The following ZDHHC14 variants were observed in gnomAD, a reference collection of about 807,000 sequenced individuals.
ZDHHC14 encodes the protein palmitoyltransferase ZDHHC14.
ZDHHC14 carries 16 observed loss-of-function variants against 47.7 expected under a neutral mutation model. The ratio of observed to expected loss-of-function variants is 0.34; its 90% CI spans 0.23 to 0.51. The LOEUF is 0.51. Ranked by LOEUF, ZDHHC14 falls within the 20% of genes least tolerant of loss-of-function variation. The pLI, the probability that ZDHHC14 is intolerant of heterozygous loss-of-function variation, is 0.97. For missense variants in ZDHHC14, 515 were observed against 662.5 expected (o/e 0.78, Z 2.44); for synonymous variants, 293 against 278.9 (o/e 1.05, Z -0.50).
chr6:157,614,476 A>G (rs1424364675), intron 3 of ZDHHC14, among the ~76,000 whole-genome samples: 1 of 152,214 alleles, frequency 6.6e-6, no homozygotes, highest in Non-Finnish European at 1.5e-5. Context: ...TTCAAGGGGA[A>G]GAAAAGCCCC....
rs1777527927 is a variant in ZDHHC14 at position 157,645,895 on chromosome 6, G to A, written c.855+56G>A. 8 of 1,482,636 alleles carry A rather than the reference G, an allele frequency of 5.4e-6. No individual in the cohort carries two copies. In the Admixed American group the frequency reaches 8.8e-5, roughly 16 times the overall value. 91.8% of individuals were successfully genotyped at this position (1,482,636 alleles called of 1,614,324 possible). On this transcript the variant is annotated intron_variant, in intron 6 of 8. Transcript: ENST00000359775. ...TGTTCTTGGGTTTTGGGCAATGGAG[G>A]AGAAAAAGGAAAGAAAAGGTTGAGC... is the stretch of plus-strand genomic sequence containing the variant.
At chr6:157,635,773 G>A (rs1206071443) in intron 5 of ZDHHC14, among the ~76,000 whole-genome samples, 1 of 152,228 alleles carries the variant, frequency 6.6e-6, no homozygotes, top group Non-Finnish European at 1.5e-5. Context: ...GCCGTGCCCG[G>A]AGCCTGCAGC....
At chr6:157,655,581 G>A (rs1778048600) in intron 8 of ZDHHC14, among the ~76,000 whole-genome samples, 1 of 152,218 alleles carries the variant, frequency 6.6e-6, no homozygotes, top group Admixed American at 6.5e-5. Context: ...TCTGATGTGT[G>A]CATGTGTCTA....
chr6:157,598,983 A>T (rs984170293), intron 3 of ZDHHC14, among the ~76,000 whole-genome samples: 7 of 152,168 alleles, frequency 4.6e-5, no homozygotes, highest in African/African-American at 7.2e-5. Context: ...TAATGCTTTT[A>T]AAAAAAACTT....
At chr6:157,528,817 TTA>T (rs1414709456) in intron 1 of ZDHHC14, among the ~76,000 whole-genome samples, 1 of 129,926 alleles carries the variant, frequency 7.7e-6, no homozygotes, top group Non-Finnish European at 1.7e-5. Context: ...AATTAATTAA[TTA>T]AAAAAGCACA....
chr6:157,455,531 G>A (rs576188093), intron 1 of ZDHHC14, among the ~76,000 whole-genome samples: 10 of 152,292 alleles, frequency 6.6e-5, no homozygotes, highest in African/African-American at 2.2e-4. Context: ...TCTTTCTTAA[G>A]TCTGGAGGCC....
intron 2 of ZDHHC14, among the ~76,000 whole-genome samples, chr6:157,552,601 AAGG>A (rs1782279194): frequency 6.6e-6 from 1 of 152,206 alleles, no homozygotes; most frequent in South Asian, 2.1e-4. Flanking sequence ...GGACCAAGGC[AAGG>A]AGGTGTGGCG....
chr6:157,392,786 T>C (rs1777443276), intron 1 of ZDHHC14, among the ~76,000 whole-genome samples: 2 of 152,172 alleles, frequency 1.3e-5, no homozygotes, highest in Non-Finnish European at 2.9e-5. Context: ...AACATACCAT[T>C]ACAGTAGACC....
intron 1 of ZDHHC14, among the ~76,000 whole-genome samples, chr6:157,529,383 A>G (rs146647686): frequency 4.2e-4 from 64 of 152,328 alleles, no homozygotes; most frequent in African/African-American, 1.3e-3. Flanking sequence ...TTTGTTTAGT[A>G]TACATGTATT....
chr6:157,506,793 G>A lies in ZDHHC14; in HGVS notation c.246-35792G>A, dbSNP rs187525085. Among the ~76,000 whole-genome samples, 6 of 152,240 alleles carry A rather than the reference G, an allele frequency of 3.9e-5. No homozygotes were observed. The East Asian group carries it at 1.2e-3, about 29-fold the overall frequency. ...ATATCTAAAGGAAAACAACCACTCAGGATATTAGCTAGTGGATACAACTGT... is the reference window on the plus strand; with the variant it reads ...ATATCTAAAGGAAAACAACCACTCAAGATATTAGCTAGTGGATACAACTGT... On this transcript the variant is annotated intron_variant, in intron 1 of 8. Coordinates refer to ENST00000359775, the MANE Select transcript of ZDHHC14 (RefSeq NM_024630.3).
rs139380850 is a variant in ZDHHC14 at position 157,538,822 on chromosome 6, C to T, written c.246-3763C>T. Among the ~76,000 whole-genome samples, 219 of 152,234 alleles carry T rather than the reference C, an allele frequency of 1.4e-3. 1 individual carries two copies. Among genetic ancestry groups the T allele is most frequent in the African/African-American group, 4.9e-3 (204 of 41,542 alleles). ...GCATCAACATGCTGAATGGGAGGTGCGGGTGTTCCAGACACGTGGGCTGGA... is the reference window on the plus strand; with the variant it reads ...GCATCAACATGCTGAATGGGAGGTGTGGGTGTTCCAGACACGTGGGCTGGA... On this transcript the variant is annotated intron_variant, in intron 1 of 8. Transcript: ENST00000359775.
intron 1 of ZDHHC14, among the ~76,000 whole-genome samples, chr6:157,522,521 C>T (rs916743729): frequency 1.3e-5 from 2 of 151,670 alleles, no homozygotes; most frequent in African/African-American, 2.4e-5. Context: ...CTTTTATGAT[C>T]GTAGAGAAAT....
intron 2 of ZDHHC14, among the ~76,000 whole-genome samples, chr6:157,558,834 C>G (rs1398429768): frequency 6.6e-6 from 1 of 151,786 alleles, no homozygotes; most frequent in Non-Finnish European, 1.5e-5. Flanking sequence ...TAATGTAGAT[C>G]AGAGATTCCT....
In ZDHHC14 at chr6:157,677,435, A is replaced by G. The variant is rs898296904; in HGVS notation, c.*4313A>G. ...CTGCCCATTGTCCATGGTCCTGATA[A>G]TAGAGCCAAGATGGATTTTCACATG... On this transcript the variant is annotated 3_prime_UTR_variant, in exon 9 of 9. Transcript: ENST00000359775. 6.6e-6 allele frequency: 1 copy of G among 152,118 alleles called. No homozygotes were observed. Among genetic ancestry groups the G allele is most frequent in the Non-Finnish European group, 1.5e-5 (1 of 68,016 alleles). The allele number at this position is 152,118 out of a possible 1,614,324, so 9.4% of individuals were successfully genotyped here.
chr6:157,508,473 C>T (rs1294423787), intron 1 of ZDHHC14, among the ~76,000 whole-genome samples: 1 of 152,130 alleles, frequency 6.6e-6, no homozygotes, highest in Non-Finnish European at 1.5e-5. Flanking sequence ...TCAAGCAATC[C>T]TCCCACCTCA....
At chr6:157,640,023 T>G (rs1010954472) in intron 5 of ZDHHC14, among the ~76,000 whole-genome samples, 5 of 152,178 alleles carry the variant, frequency 3.3e-5, no homozygotes, top group African/African-American at 1.2e-4. Flanking sequence ...ACCTGTCAGG[T>G]GCCTGTCCGG....
intron 1 of ZDHHC14, among the ~76,000 whole-genome samples, chr6:157,541,103 A>G (rs1781745554): frequency 6.6e-6 from 1 of 151,922 alleles, no homozygotes; most frequent in Admixed American, 6.6e-5. Context: ...ACTTGATCCC[A>G]TTTGCTCTGT....
In ZDHHC14 at chr6:157,586,493, G is replaced by A. The variant is rs1723585852; in HGVS notation, c.407-6495G>A. On this transcript the variant is annotated intron_variant, in intron 2 of 8. Transcript: ENST00000359775. The surrounding 1 kb of genome is among the most constrained non-coding windows in gnomAD (Gnocchi z 4.6). ...GGCTCCATGGAAGATCGTGCAAGGA[G>A]AGAGAAGGTTCATGGATTGTGTGCT... 1.3e-5 allele frequency among the ~76,000 whole-genome samples: 2 copies of A among 152,206 alleles called. No individual in the cohort carries two copies. The highest frequency in any genetic ancestry group is 4.1e-4 in the South Asian group (2 of 4,826).
At chr6:157,595,007 A>G (rs1784064245) in intron 3 of ZDHHC14, among the ~76,000 whole-genome samples, 1 of 152,010 alleles carries the variant, frequency 6.6e-6, no homozygotes, top group South Asian at 2.1e-4. Flanking sequence ...TGGAGGTCTA[A>G]TGCCTTATTC....
Sources: gnomAD v4.1 joint callset for allele counts (sites outside exome capture counted in the v4.1 genomes callset) on GRCh38, gnomAD v4.1.1 for gene constraint, Gnocchi (gnomAD v3.1) non-coding constraint, MANE v1.5 for transcripts, NCBI Gene and HGNC (gene_info 2026-07-23, HGNC 2026-07-21) for gene names.